ZNF385B: variants seen among roughly 807,000 people sequenced by gnomAD.
ZNF385B encodes the protein zinc finger protein 385B.
Under a neutral mutation model 39.2 loss-of-function variants are expected in ZNF385B, and 23 were observed. The ratio of observed to expected loss-of-function variants is 0.59; its 90% CI spans 0.42 to 0.83. The LOEUF (loss-of-function observed/expected upper bound fraction) is 0.83. ZNF385B is among the 40% of genes least tolerant of loss of function. The probability of loss-of-function intolerance (pLI) is 0.00; values close to 1 mark genes in which losing one functional copy is unlikely to be tolerated. For missense variants in ZNF385B, 552 were observed against 598.9 expected (o/e 0.92, Z 0.82); for synonymous variants, 205 against 222.6 (o/e 0.92, Z 0.70).
At chr2:179,579,284 A>T (rs1353208734) in intron 3 of ZNF385B, among the ~76,000 whole-genome samples, 1 of 152,176 alleles carries the variant, frequency 6.6e-6, no homozygotes, top group African/African-American at 2.4e-5. Flanking sequence ...TTCTTTAATC[A>T]TAATTATTAG....
intron 5 of ZNF385B, among the ~76,000 whole-genome samples, chr2:179,493,945 A>T (rs1243302243): frequency 1.3e-5 from 2 of 151,068 alleles, no homozygotes; most frequent in African/African-American, 2.4e-5. Flanking sequence ...GCTGTGGAAT[A>T]CAGGTCTACT....
intron 1 of ZNF385B, among the ~76,000 whole-genome samples, chr2:179,775,720 A>G (rs1348220554): frequency 6.6e-6 from 1 of 152,190 alleles, no homozygotes; most frequent in Non-Finnish European, 1.5e-5. Context: ...TATTTTGGAA[A>G]AAGCATCTTA....
intron 3 of ZNF385B, among the ~76,000 whole-genome samples, chr2:179,742,934 T>C (rs755591270): frequency 6.6e-6 from 1 of 152,064 alleles, no homozygotes; most frequent in Non-Finnish European, 1.5e-5. Context: ...TATATCCTCA[T>C]GATTTCATAA....
chr2:179,834,825 G>A (rs913896689), intron 1 of ZNF385B, among the ~76,000 whole-genome samples: 1 of 152,142 alleles, frequency 6.6e-6, no homozygotes. Context: ...AACATCATAA[G>A]CCTCCTGGTA....
chr2:179,769,391 T>C, intron 3 of ZNF385B, 112 bp downstream of exon 3: 1 of 1,478,738 alleles, frequency 6.8e-7, no homozygotes. Context: ...GTACATGTTA[T>C]CATGGTAGCC....
intron 3 of ZNF385B, among the ~76,000 whole-genome samples, chr2:179,670,102 T>C (rs972779320): frequency 6.6e-6 from 1 of 151,808 alleles, no homozygotes; most frequent in Non-Finnish European, 1.5e-5. Flanking sequence ...CCATCCTGGC[T>C]AACACGGTGA....
intron 3 of ZNF385B, among the ~76,000 whole-genome samples, chr2:179,568,702 T>A (rs917278191): frequency 1.3e-5 from 2 of 152,218 alleles, no homozygotes; most frequent in African/African-American, 2.4e-5. Flanking sequence ...ATTTATTCAA[T>A]CTGTCAAACT....
intron 1 of ZNF385B, among the ~76,000 whole-genome samples, chr2:179,835,768 G>T (rs1401871314): frequency 6.6e-6 from 1 of 151,882 alleles, no homozygotes; most frequent in African/African-American, 2.4e-5. Flanking sequence ...TATCATGTGG[G>T]TCCTGGCTGG....
intron 1 of ZNF385B, among the ~76,000 whole-genome samples, chr2:179,790,409 A>T (rs751671420): frequency 1.3e-5 from 2 of 152,224 alleles, no homozygotes; most frequent in Non-Finnish European, 2.9e-5. Flanking sequence ...AGAAACACCC[A>T]GTAAGCTTTT....
chr2:179,553,803 C>A (rs951115084), intron 3 of ZNF385B, among the ~76,000 whole-genome samples: 1 of 149,284 alleles, frequency 6.7e-6, no homozygotes, highest in Non-Finnish European at 1.5e-5. Context: ...CTAACAGGCA[C>A]TGTGGACATC....
chr2:179,514,127 A>T, intron 5 of ZNF385B: 1 of 152,254 alleles, frequency 6.6e-6, no homozygotes, highest in African/African-American at 2.4e-5. Context: ...CACTGGGCTA[A>T]CATCGAGGTG....
At chr2:179,608,972 G>A (rs1480309555) in intron 3 of ZNF385B, among the ~76,000 whole-genome samples, 1 of 151,440 alleles carries the variant, frequency 6.6e-6, no homozygotes, top group African/African-American at 2.4e-5. Context: ...ATATATTTAT[G>A]GGGTACATGA....
At chr2:179,650,563 C>T (rs867102604) in intron 3 of ZNF385B, among the ~76,000 whole-genome samples, 3 of 152,136 alleles carry the variant, frequency 2.0e-5, no homozygotes, top group African/African-American at 7.2e-5. Context: ...GAGCTTAGTG[C>T]AAAGGCTGTA....
intron 6 of ZNF385B, among the ~76,000 whole-genome samples, chr2:179,462,847 T>G (rs910684378): frequency 2.0e-5 from 3 of 152,170 alleles, no homozygotes; most frequent in Admixed American, 1.3e-4. Context: ...TGAAAGGTTA[T>G]GTGCATAAAG....
At chr2:179,467,618 T>C (rs930156251) in intron 6 of ZNF385B, among the ~76,000 whole-genome samples, 2 of 152,166 alleles carry the variant, frequency 1.3e-5, no homozygotes, top group African/African-American at 4.8e-5. Context: ...GCCCACATTA[T>C]CATGCCTGTA....
At chr2:179,608,918 T>A (rs1689058812) in intron 3 of ZNF385B, among the ~76,000 whole-genome samples, 1 of 131,662 alleles carries the variant, frequency 7.6e-6, no homozygotes, top group Admixed American at 7.7e-5. Flanking sequence ...ATGACCTGGC[T>A]TTATTTTCTT....
intron 3 of ZNF385B, among the ~76,000 whole-genome samples, chr2:179,757,766 G>C (rs972515739): frequency 6.6e-6 from 1 of 152,204 alleles, no homozygotes; most frequent in Admixed American, 6.5e-5. Flanking sequence ...CAAGCCAGGT[G>C]CGGGATATAA....
chr2:179,686,962 C>G (rs961665099), intron 3 of ZNF385B, among the ~76,000 whole-genome samples: 2 of 62,724 alleles, frequency 3.2e-5, no homozygotes, highest in African/African-American at 1.5e-4. Context: ...AAAATTTGTA[C>G]TGTTTTTTTT....
At chr2:179,790,272 T>G (rs1705248078) in intron 1 of ZNF385B, among the ~76,000 whole-genome samples, 1 of 152,230 alleles carries the variant, frequency 6.6e-6, no homozygotes, top group Non-Finnish European at 1.5e-5. Flanking sequence ...GCTCTTATGC[T>G]TCACCCTGCA....
Sources: gnomAD v4.1 joint callset for allele counts (sites outside exome capture counted in the v4.1 genomes callset) on GRCh38, gnomAD v4.1.1 for gene constraint, MANE v1.5 for transcripts, NCBI Gene and HGNC (gene_info 2026-07-23, HGNC 2026-07-21) for gene names.